GPD1: variants seen among roughly 807,000 people sequenced by gnomAD.
GPD1 encodes glycerol-3-phosphate dehydrogenase 1.
GPD1 carries 19 observed loss-of-function variants against 34.4 expected under a neutral mutation model. The observed-to-expected ratio is 0.55, with a 90% CI of 0.39 to 0.81. The LOEUF is 0.81. GPD1 is among the 30% of genes least tolerant of loss of function. The probability of loss-of-function intolerance (pLI) is 0.00; values close to 1 mark genes in which losing one functional copy is unlikely to be tolerated. For synonymous variants in GPD1, 172 were observed against 174.1 expected, an observed-to-expected ratio of 0.99 and a Z score of 0.09; for missense variants, 429 against 447.0, an observed-to-expected ratio of 0.96 and a Z score of 0.36.
chr12:50,104,551 T>G, intron 1 of GPD1, 23 bp from the exon 2 acceptor site: 3 of 1,600,904 alleles, frequency 1.9e-6, no homozygotes, highest in Non-Finnish European at 2.6e-6. Context: ...TCCTGTACTT[T>G]CCTGTGCTCC....
rs766712596 is a variant in GPD1 at position 50,105,573 on chromosome 12, C to T, written c.245C>T (p.Ala82Val). The change falls in exon 3 of 8, where the codon GCT becomes GTT. Residue 82 changes from alanine to valine, a missense_variant. Ala to Val is a moderately conservative substitution (Grantham distance 64). Transcript: ENST00000301149. The part of the protein sequence containing the change: ...NVVAVPDVVQ[A>V]AEDADILIFV... ...GTGGCTGTCCCAGATGTGGTCCAGG[C>T]TGCAGAGGATGCTGACATCCTGATC... 4 of 1,613,974 alleles carry T rather than the reference C, an allele frequency of 2.5e-6. No individual in the cohort carries two copies. The South Asian group carries it at 4.4e-5, about 18-fold the overall frequency.
At chr12:50,106,191 A>G in intron 3 of GPD1, 97 bp from the exon 4 acceptor site, 2 of 1,125,248 alleles carry the variant, frequency 1.8e-6, no homozygotes, top group Non-Finnish European at 2.5e-6. Context: ...CGGGAGGGAC[A>G]CAGATGAGCA....
chr12:50,106,855 C>T lies in GPD1; in HGVS notation c.550C>T (p.Pro184Ser), dbSNP rs774262823. 7 of 1,613,326 alleles carry T rather than the reference C, an allele frequency of 4.3e-6. No individual in the cohort carries two copies. Among genetic ancestry groups the T allele is most frequent in the South Asian group, 1.1e-5 (1 of 91,066 alleles). Reference protein sequence around the residue: ...GQLLKELMQTPNFRITVVQEV... With the variant: ...GQLLKELMQTSNFRITVVQEV... ...ACTCCTGAAAGAGCTGATGCAGACA[C>T]CAAACTTCCGTATCACAGTGGTGCA... The change falls in exon 5 of 8, where the codon CCA becomes TCA. Residue 184 changes from proline to serine, a missense_variant. Transcript: ENST00000301149.
At chr12:50,104,386 A>T in intron 1 of GPD1, 188 bp from the exon 2 acceptor site, 1 of 711,904 alleles carries the variant, frequency 1.4e-6, no homozygotes, top group Non-Finnish European at 2.6e-6. Context: ...GCAAAGGGTG[A>T]GGAGACTGAG....
chr12:50,109,041 A>C (rs1317007509), intron 7 of GPD1, among the ~76,000 whole-genome samples: 2 of 150,442 alleles, frequency 1.3e-5, no homozygotes, highest in Non-Finnish European at 3.0e-5. Flanking sequence ...AGGCTGATGC[A>C]GGAGAATCGC....
chr12:50,104,669 G>A lies in GPD1; in HGVS notation c.137G>A (p.Gly46Glu), dbSNP rs893917215. 4 of 1,613,922 alleles carry A rather than the reference G, an allele frequency of 2.5e-6. No individual in the cohort carries two copies. Among genetic ancestry groups the A allele is most frequent in the Admixed American group, 3.3e-5 (2 of 60,008 alleles). The part of the protein sequence containing the change: ...VTMWVFEEDI[G>E]GKKLTEIINT... ...ATGTGGGTATTTGAGGAAGACATTG[G>A]AGGCAAAAAGCTGACTGAGATCATC... The change falls in exon 2 of 8, where the codon GGA becomes GAA. Residue 46 changes from glycine to glutamate, a missense_variant. Gly to Glu is a moderately conservative substitution (Grantham distance 98). Transcript: ENST00000301149.
intron 6 of GPD1, 95 bp downstream of exon 6, chr12:50,107,895 G>C (rs1950993955): frequency 9.4e-7 from 1 of 1,067,206 alleles, no homozygotes; most frequent in Non-Finnish European, 1.5e-6. Context: ...CAAACATTAA[G>C]ACTGTTGTGC....
chr12:50,107,980 C>A, intron 6 of GPD1, 44 bp from the exon 7 acceptor site: 2 of 1,308,824 alleles, frequency 1.5e-6, no homozygotes, highest in Non-Finnish European at 2.2e-6. Context: ...CTACTGACAA[C>A]CCTTCTCTCC....
In GPD1 at chr12:50,107,648, C is replaced by G; in HGVS notation, c.694C>G (p.Leu232Val). The G allele has an allele frequency of 6.2e-7, 1 of 1,614,110 alleles. No individual in the cohort carries two copies. The highest frequency in any genetic ancestry group is 2.2e-5 in the East Asian group (1 of 44,880). Residue 232 changes from leucine to valine, a missense_variant, in exon 6 of 8, where the codon CTC (leucine) becomes GTC (valine). Leu to Val is a conservative substitution (Grantham distance 32). Transcript: ENST00000301149. ...CAAGGCGGCAGTGATCCGGCTGGGA[C>G]TCATGGAGATGATAGCCTTCGCCAA... ...NTKAAVIRLGLMEMIAFAKLF... is the reference protein window; with the variant it reads ...NTKAAVIRLGVMEMIAFAKLF...
rs1444832664 is a variant in GPD1, at chr12:50,111,280, T to C, written c.*1761T>C. On this transcript the variant is annotated 3_prime_UTR_variant, in exon 8 of 8. Coordinates refer to ENST00000301149, the MANE Select transcript of GPD1 (RefSeq NM_005276.4). The surrounding 1 kb of genome is among the most constrained non-coding windows in gnomAD (Gnocchi z 4.1). ...ACTCAGGCCTTCCCATCAGGCCTAT[T>C]TGTCTACCCAATAAAGCGTGTTTTT... 6.6e-6 allele frequency: 1 copy of C among 152,356 alleles called. No homozygotes were observed. Among genetic ancestry groups the C allele is most frequent in the East Asian group, 1.9e-4 (1 of 5,188 alleles). 9.4% of individuals were successfully genotyped at this position (152,356 alleles called of 1,614,324 possible).
intron 1 of GPD1, 152 bp from the exon 2 acceptor site, chr12:50,104,422 G>T: frequency 1.4e-6 from 1 of 729,354 alleles, no homozygotes; most frequent in East Asian, 2.7e-5. Flanking sequence ...CAGGTCACTG[G>T]GGACTATTTG....
At position 50,109,455 on chromosome 12, in the gene GPD1, G is replaced by A. The variant is rs1209693185; in HGVS notation, c.986G>A (p.Cys329Tyr). 6.3e-7 allele frequency: 1 copy of A among 1,589,136 alleles called. No individual in the cohort carries two copies. Among genetic ancestry groups the A allele is most frequent in the East Asian group, 2.2e-5 (1 of 44,812 alleles). Residue 329 changes from cysteine to tyrosine, a missense_variant, in exon 8 of 8, where the codon TGC becomes TAC. By Grantham distance (194) the Cys-to-Tyr change is radical (BLOSUM62 -2). Coordinates refer to ENST00000301149, the MANE Select transcript of GPD1 (RefSeq NM_005276.4). ...TTGTTCATGGCTGTGTACAAGGTGT[G>A]CTACGAGGGCCAGCCAGTGGGTGAA... ...FPLFMAVYKV[C>Y]YEGQPVGEFI...
intron 7 of GPD1, among the ~76,000 whole-genome samples, chr12:50,109,004 G>A (rs1349866173): frequency 3.3e-5 from 5 of 152,012 alleles, no homozygotes; most frequent in South Asian, 2.1e-4. Context: ...GCATGGTGGT[G>A]TGTGCCTGTA....
At chr12:50,107,145 T>G (rs2137923326) in intron 5 of GPD1, 1 of 679,266 alleles carries the variant, frequency 1.5e-6, no homozygotes, top group East Asian at 2.8e-5. Flanking sequence ...TGTCCCATTT[T>G]AGCCCCGTGT....
chr12:50,106,505 A>G (rs1237222848), intron 4 of GPD1, 79 bp downstream of exon 4: 10 of 1,301,834 alleles, frequency 7.7e-6, no homozygotes, highest in Admixed American at 5.9e-5. Flanking sequence ...CCACTTAGCC[A>G]TCTCTTTCCC....
rs755542156 is a variant in GPD1, at chr12:50,108,097, A to G, written c.920A>G (p.Tyr307Cys). 2 of 1,611,562 alleles carry G rather than the reference A, an allele frequency of 1.2e-6. No homozygotes were observed. The change falls in exon 7 of 8, where the codon TAC (tyrosine) becomes TGC (cysteine). Residue 307 changes from tyrosine to cysteine, a missense_variant. Transcript: ENST00000301149. The part of the protein sequence containing the change: ...LQGPETAREL[Y>C]SILQHKGLVD... ...GGGCCCGAGACAGCCCGGGAGCTAT[A>G]CAGCATCCTCCAGCACAAGGGCCTG...
chr12:50,108,164 A>G, intron 7 of GPD1, 34 bp downstream of exon 7: 1 of 1,209,372 alleles, frequency 8.3e-7, no homozygotes, highest in Non-Finnish European at 1.2e-6. Context: ...TGATTAAGGG[A>G]GCCACAGCCA....
intron 7 of GPD1, 53 bp downstream of exon 7, chr12:50,108,183 C>A: frequency 2.0e-6 from 2 of 994,898 alleles, no homozygotes; most frequent in East Asian, 2.5e-5. Flanking sequence ...CAGAAGTGCT[C>A]GCCCTGTTCA....
At chr12:50,106,256 G>A (rs1305213318) in intron 3 of GPD1, 32 bp from the exon 4 acceptor site, 1 of 1,561,746 alleles carries the variant, frequency 6.4e-7, no homozygotes, top group Non-Finnish European at 8.6e-7. Context: ...GGGCCCAAAG[G>A]GCACCTGGCC....
Sources: allele counts gnomAD v4.1 joint callset (sites outside exome capture counted in the v4.1 genomes callset), GRCh38; gene constraint gnomAD v4.1.1; non-coding constraint Gnocchi (gnomAD v3.1); transcripts MANE v1.5; gene names NCBI Gene and HGNC (gene_info 2026-07-23, HGNC 2026-07-21).